The following WNK2 variants were observed in gnomAD, a reference collection of about 807,000 sequenced individuals.
The protein encoded by WNK2 is WNK lysine deficient protein kinase 2.
WNK2 carries 67 observed loss-of-function variants against 192.1 expected under a neutral mutation model. The observed-to-expected ratio is 0.35, with a 90% CI of 0.29 to 0.43. The LOEUF is 0.43. WNK2 is among the 20% of genes least tolerant of loss of function. The pLI is 1.00. For missense variants in WNK2, 2,698 were observed against 3,089.7 expected, an observed-to-expected ratio of 0.87 and a Z score of 3.01; for synonymous variants, 1,439 against 1,393.9, an observed-to-expected ratio of 1.03 and a Z score of -0.72.
chr9:93,320,220 C>A (rs898128823), intron 29 of WNK2, 147 bp from the exon 30 acceptor site: 14 of 810,736 alleles, frequency 1.7e-5, no homozygotes, highest in Non-Finnish European at 2.5e-5. Flanking sequence ...GTGCTGAGGA[C>A]AAGACCATCT....
At position 93,306,770 on chromosome 9, in the gene WNK2, C is replaced by A. The variant is rs1852634697; in HGVS notation, c.6215-7C>A. The A allele has an allele frequency of 6.2e-7, 1 of 1,614,084 alleles. No homozygotes were observed. Among genetic ancestry groups the A allele is most frequent in the Non-Finnish European group, 8.5e-7 (1 of 1,179,892 alleles). ...GTGGTCTTGTGTCGTTTCTTTTTCCCTTGCAGGGTCTGCCCTGAAGCGTCT... is the reference window on the plus strand; with the variant it reads ...GTGGTCTTGTGTCGTTTCTTTTTCCATTGCAGGGTCTGCCCTGAAGCGTCT... On this transcript the variant is annotated splice_polypyrimidine_tract_variant and splice_region_variant and intron_variant, in intron 26 of 29. Coordinates refer to ENST00000427277, the MANE Select transcript of WNK2 (RefSeq NM_006648.4).
intron 2 of WNK2, among the ~76,000 whole-genome samples, chr9:93,210,198 C>T (rs1834249862): frequency 6.6e-6 from 1 of 152,060 alleles, no homozygotes; most frequent in Non-Finnish European, 1.5e-5. Context: ...AGCGTTCCCA[C>T]CCCAGGGATG....
chr9:93,193,385 A>C (rs1830677646), intron 2 of WNK2, among the ~76,000 whole-genome samples: 1 of 152,188 alleles, frequency 6.6e-6, no homozygotes, highest in Non-Finnish European at 1.5e-5. Context: ...CAGGGGCCTC[A>C]GGTCAACCTC....
intron 7 of WNK2, among the ~76,000 whole-genome samples, chr9:93,244,995 G>A (rs1176989262): frequency 6.6e-6 from 1 of 152,072 alleles, no homozygotes; most frequent in Non-Finnish European, 1.5e-5. Context: ...TGAGCCGTAA[G>A]CTTCTGTCCC....
intron 6 of WNK2, among the ~76,000 whole-genome samples, chr9:93,238,988 A>G (rs1840281025): frequency 6.6e-6 from 1 of 152,066 alleles, no homozygotes; most frequent in South Asian, 2.1e-4. Context: ...TCGAAACTAC[A>G]CAGGTGACTC....
At chr9:93,254,538 A>G (rs1355224752) in intron 9 of WNK2, among the ~76,000 whole-genome samples, 2 of 152,248 alleles carry the variant, frequency 1.3e-5, no homozygotes, top group Admixed American at 6.5e-5. Flanking sequence ...CCCTTTGGAA[A>G]AGCAGTGGAA....
chr9:93,275,826 A>C (rs1846776143), intron 19 of WNK2, among the ~76,000 whole-genome samples: 1 of 152,194 alleles, frequency 6.6e-6, no homozygotes, highest in African/African-American at 2.4e-5. Flanking sequence ...ACAATTGAAA[A>C]CCCAAAATTT....
intron 19 of WNK2, among the ~76,000 whole-genome samples, chr9:93,275,861 T>A (rs1216217271): frequency 6.6e-6 from 1 of 152,076 alleles, no homozygotes; most frequent in Non-Finnish European, 1.5e-5. Flanking sequence ...TTATAGGAGC[T>A]CCCCCAAAAG....
intron 23 of WNK2, among the ~76,000 whole-genome samples, chr9:93,294,184 CCT>C (rs912356499): frequency 5.2e-4 from 79 of 152,316 alleles, no homozygotes; most frequent in African/African-American, 1.7e-3. Flanking sequence ...TCCTGCGAGC[CCT>C]CTCTGCACAG....
At chr9:93,303,551 G>T (rs146608818) in intron 26 of WNK2, among the ~76,000 whole-genome samples, 1 of 152,164 alleles carries the variant, frequency 6.6e-6, no homozygotes, top group African/African-American at 2.4e-5. Flanking sequence ...TGCTCAGCGA[G>T]GCTCTTTGCA....
At position 93,246,493 on chromosome 9, in the gene WNK2, C is replaced by T. The variant is rs144928824; in HGVS notation, c.1543-1050C>T. 5.4e-3 allele frequency among the ~76,000 whole-genome samples: 821 copies of T among 152,314 alleles called. 7 individuals carry two copies. Among genetic ancestry groups the T allele is most frequent in the African/African-American group, 0.018 (765 of 41,556 alleles). On this transcript the variant is annotated intron_variant, in intron 7 of 29. Coordinates refer to ENST00000427277, the MANE Select transcript of WNK2 (RefSeq NM_006648.4). ...TCTGTGTTTATTCACTTCTGTTGTG[C>T]GCTTCACACCAACAGCTCCAATTCC...
At position 93,217,035 on chromosome 9, in the gene WNK2, T is replaced by G. The variant is rs544123567; in HGVS notation, c.682-12661T>G. Among the ~76,000 whole-genome samples, 130 of 151,616 alleles carry G rather than the reference T, an allele frequency of 8.6e-4. 1 individual carries two copies. The highest frequency in any genetic ancestry group is 2.6e-3 in the Admixed American group (40 of 15,214). ...GTGCAGTGGCGAGATCTCGGCTCAC[T>G]GCAACCTCTGCCTCCCAGGTTCAAG... On this transcript the variant is annotated intron_variant, in intron 2 of 29. Transcript: ENST00000427277.
intron 19 of WNK2, among the ~76,000 whole-genome samples, chr9:93,271,819 T>G (rs535685484): frequency 6.6e-6 from 1 of 152,258 alleles, no homozygotes; most frequent in Admixed American, 6.5e-5. Flanking sequence ...TTCTAGAAGC[T>G]AAGCAGACCC....
chr9:93,318,340 AG>A, intron 29 of WNK2: 1 of 1,586,856 alleles, frequency 6.3e-7, no homozygotes, highest in Non-Finnish European at 8.6e-7. Context: ...AGTATTGAAG[AG>A]CTTCCATTGC....
intron 19 of WNK2, among the ~76,000 whole-genome samples, chr9:93,281,463 A>C (rs1016840618): frequency 1.3e-5 from 2 of 152,230 alleles, no homozygotes; most frequent in African/African-American, 4.8e-5. Context: ...TGCCAGAGAG[A>C]GAATCGGCAA....
intron 2 of WNK2, among the ~76,000 whole-genome samples, chr9:93,218,098 A>C (rs1383774707): frequency 6.6e-6 from 1 of 151,996 alleles, no homozygotes; most frequent in Admixed American, 6.6e-5. Context: ...ACCCTCACCC[A>C]CTGCCACCTT....
At position 93,259,491 on chromosome 9, in the gene WNK2, C is replaced by G. The variant is rs1313627133; in HGVS notation, c.2943C>G (p.Pro981=). ...QPTRPPQPVL[P]PQPMLPPQPV... ...CACGGCCCCCTCAACCTGTGCTGCC[C>G]CCGCAACCCATGCTGCCCCCACAAC... The change falls in exon 12 of 30, where the codon CCC becomes CCG. Residue 981 remains proline, a synonymous_variant. Coordinates refer to ENST00000427277, the MANE Select transcript of WNK2 (RefSeq NM_006648.4). This position sits in a 1 kb window ranked among gnomAD's most constrained non-coding sequence, Gnocchi z 4.8. 3.9e-6 allele frequency: 6 copies of G among 1,540,188 alleles called. No homozygotes were observed. Among genetic ancestry groups the G allele is most frequent in the Non-Finnish European group, 5.3e-6 (6 of 1,142,806 alleles).
At chr9:93,276,592 A>C (rs1004200716) in intron 19 of WNK2, among the ~76,000 whole-genome samples, 4 of 152,250 alleles carry the variant, frequency 2.6e-5, no homozygotes, top group Admixed American at 6.5e-5. Flanking sequence ...GACAATGTCA[A>C]AATCTTTTGC....
At chr9:93,241,545 G>A (rs143687967) in intron 7 of WNK2, among the ~76,000 whole-genome samples, 6 of 152,026 alleles carry the variant, frequency 3.9e-5, no homozygotes, top group African/African-American at 9.7e-5. Context: ...TCTCCAGGCC[G>A]GGCTGGGTCT....
Sources: gnomAD v4.1 joint callset for allele counts (sites outside exome capture counted in the v4.1 genomes callset) on GRCh38, gnomAD v4.1.1 for gene constraint, Gnocchi (gnomAD v3.1) non-coding constraint, MANE v1.5 for transcripts, NCBI Gene and HGNC (gene_info 2026-07-23, HGNC 2026-07-21) for gene names.